DACH1: variants seen among roughly 807,000 people sequenced by gnomAD.
DACH1 encodes dachshund homolog 1.
DACH1 carries 12 observed loss-of-function variants against 54.2 expected under a neutral mutation model. That is an observed-to-expected ratio of 0.22 (90% CI 0.14 to 0.36). The LOEUF is 0.36. Ranked by LOEUF, DACH1 falls within the 10% of genes least tolerant of loss-of-function variation. The probability of loss-of-function intolerance (pLI) is 1.00; values close to 1 mark genes in which losing one functional copy is unlikely to be tolerated. For synonymous variants in DACH1, 386 were observed against 366.2 expected (o/e 1.05, Z -0.62); for missense variants, 805 against 929.8 (o/e 0.87, Z 1.75).
intron 6 of DACH1, among the ~76,000 whole-genome samples, chr13:71,498,043 A>C (rs1290529355): frequency 6.6e-6 from 1 of 152,146 alleles, no homozygotes; most frequent in Non-Finnish European, 1.5e-5. Context: ...TGAGTGAATA[A>C]AAGAAAAAAA....
chr13:71,537,822 A>T (rs1882903918), intron 6 of DACH1, among the ~76,000 whole-genome samples: 1 of 152,144 alleles, frequency 6.6e-6, no homozygotes, highest in Non-Finnish European at 1.5e-5. Context: ...AGCTTGATCC[A>T]GAATAGCTGC....
intron 1 of DACH1, among the ~76,000 whole-genome samples, chr13:71,687,887 T>C (rs935922742): frequency 6.6e-5 from 10 of 152,154 alleles, no homozygotes; most frequent in Admixed American, 2.0e-4. Flanking sequence ...GGAATTACAG[T>C]GTGAGCCACC....
intron 6 of DACH1, among the ~76,000 whole-genome samples, chr13:71,500,222 G>A (rs540706666): frequency 3.9e-5 from 6 of 152,126 alleles, no homozygotes; most frequent in African/African-American, 9.6e-5. Context: ...GAGAATTTTC[G>A]GGGGGAGGGA....
At chr13:71,656,840 T>TGATAGACAGATATA (rs1273794732) in intron 2 of DACH1, among the ~76,000 whole-genome samples, 4 of 143,014 alleles carry the variant, frequency 2.8e-5, no homozygotes, top group Non-Finnish European at 6.1e-5. Flanking sequence ...ACAGATAGAT[T>TGATAGACAGATATA]GATAGACAGA....
intron 1 of DACH1, among the ~76,000 whole-genome samples, chr13:71,745,111 C>A (rs2137958219): frequency 6.6e-6 from 1 of 152,282 alleles, no homozygotes; most frequent in East Asian, 1.9e-4. Flanking sequence ...GACTATGTGA[C>A]ACTGAATATT....
At chr13:71,587,645 T>C (rs1475233733) in intron 3 of DACH1, among the ~76,000 whole-genome samples, 1 of 152,110 alleles carries the variant, frequency 6.6e-6, no homozygotes, top group African/African-American at 2.4e-5. Context: ...CATGTTTTAC[T>C]CTAAGAAAGC....
chr13:71,530,821 G>A (rs1049484575), intron 6 of DACH1, among the ~76,000 whole-genome samples: 1 of 152,078 alleles, frequency 6.6e-6, no homozygotes, highest in Non-Finnish European at 1.5e-5. Context: ...GAAAGGTAAA[G>A]ACCTCAGATT....
chr13:71,723,449 T>C (rs1239883631), intron 1 of DACH1, among the ~76,000 whole-genome samples: 1 of 152,048 alleles, frequency 6.6e-6, no homozygotes, highest in Non-Finnish European at 1.5e-5. Context: ...TTAACATGGT[T>C]AACATGGTTC....
Position 71,514,904 on chromosome 13 carries a change from T to C in DACH1, c.1571-25756A>G, listed in dbSNP as rs1051567608. 3.9e-5 allele frequency among the ~76,000 whole-genome samples: 6 copies of C among 152,104 alleles called. No individual in the cohort carries two copies. The East Asian group carries it at 9.7e-4, about 25-fold the overall frequency. On this transcript the variant is annotated intron_variant, in intron 6 of 10. Transcript: ENST00000613252. ...AGAATGTTTAGCAGATGGAAGTTCA[T>C]GCATTTGATGCTTAGTCCTTTCCTT...
intron 3 of DACH1, among the ~76,000 whole-genome samples, chr13:71,628,012 T>C (rs1876792687): frequency 6.6e-6 from 1 of 152,098 alleles, no homozygotes; most frequent in South Asian, 2.1e-4. Flanking sequence ...GACATTGTAA[T>C]AAATAATGTG....
At chr13:71,621,727 A>G (rs1876249477) in intron 3 of DACH1, among the ~76,000 whole-genome samples, 1 of 152,064 alleles carries the variant, frequency 6.6e-6, no homozygotes, top group Non-Finnish European at 1.5e-5. Context: ...TGAAATACAA[A>G]TAGAGCTAAA....
chr13:71,569,550 C>A (rs2138406927), intron 4 of DACH1, among the ~76,000 whole-genome samples: 1 of 152,248 alleles, frequency 6.6e-6, no homozygotes, highest in Non-Finnish European at 1.5e-5. Flanking sequence ...GAATAGATTT[C>A]ACCCAACGTT....
chr13:71,669,666 A>G (rs747582392), intron 2 of DACH1, among the ~76,000 whole-genome samples: 20 of 152,206 alleles, frequency 1.3e-4, no homozygotes, highest in Non-Finnish European at 2.6e-4. Context: ...GTTCTTCACA[A>G]AGTCCTATTG....
At chr13:71,740,919 T>C (rs1405617509) in intron 1 of DACH1, among the ~76,000 whole-genome samples, 1 of 152,182 alleles carries the variant, frequency 6.6e-6, no homozygotes, top group African/African-American at 2.4e-5. Flanking sequence ...TACCTACCTT[T>C]TAGCCTTGAC....
Position 71,796,193 on chromosome 13 carries a change from G to GA in DACH1, c.848+69728dup, listed in dbSNP as rs1178039912. Among the ~76,000 whole-genome samples, 15 of 152,132 alleles carry GA rather than the reference G, an allele frequency of 9.9e-5. No homozygotes were observed. The East Asian group carries it at 2.9e-3, about 29-fold the overall frequency. On this transcript the variant is annotated intron_variant, in intron 1 of 10. Transcript: ENST00000613252. ...CTTTAGGTATTATTATTTTCTTCAT[G>GA]AAAAAGAAGTTAGAATAATAGTGCT...
In DACH1 at chr13:71,798,321, TAC is replaced by T. The variant is rs1488266690; in HGVS notation, c.848+67599_848+67600del. ...ATGATTTTAAAGAGAACTTGTTACA[TAC>T]ATATATATATATATATATATATATA... is the stretch of plus-strand genomic sequence containing the variant. On this transcript the variant is annotated intron_variant, in intron 1 of 10. Transcript: ENST00000613252. 9.7e-3 allele frequency among the ~76,000 whole-genome samples: 881 copies of T among 90,664 alleles called. 8 individuals are homozygous for T. Among genetic ancestry groups the T allele is most frequent in the African/African-American group, 0.033 (670 of 20,492 alleles). The allele number at this position is 90,664 out of a possible 152,430, so 59.5% of individuals were successfully genotyped here.
intron 1 of DACH1, among the ~76,000 whole-genome samples, chr13:71,714,604 T>C (rs1274656885): frequency 6.6e-5 from 10 of 152,040 alleles, no homozygotes; most frequent in Non-Finnish European, 1.5e-4. Flanking sequence ...AAAAGACATC[T>C]GTGGAATTTT....
intron 4 of DACH1, among the ~76,000 whole-genome samples, chr13:71,568,759 C>T (rs974835092): frequency 1.1e-4 from 16 of 152,018 alleles, no homozygotes; most frequent in African/African-American, 3.6e-4. Flanking sequence ...AATTACATAA[C>T]ATCTCAAGTC....
chr13:71,655,651 G>A lies in DACH1; in HGVS notation c.965-24934C>T, dbSNP rs191106257. ...CTCCCTAAGTGCTGGGATTACAGAC[G>A]TGAGCCACTGAGCCTGGCTGCCTCT... On this transcript the variant is annotated intron_variant, in intron 2 of 10. Coordinates refer to ENST00000613252, the MANE Select transcript of DACH1 (RefSeq NM_080759.6). Among the ~76,000 whole-genome samples the A allele has an allele frequency of 3.9e-5, 6 of 152,100 alleles. No homozygotes were observed. In the East Asian group the frequency reaches 5.8e-4, roughly 15 times the overall value.
Sources: gnomAD v4.1 joint callset for allele counts (sites outside exome capture counted in the v4.1 genomes callset) on GRCh38, gnomAD v4.1.1 for gene constraint, MANE v1.5 for transcripts, NCBI Gene and HGNC (gene_info 2026-07-23, HGNC 2026-07-21) for gene names.